AVL9: variants seen among roughly 807,000 people sequenced by gnomAD.
The protein encoded by AVL9 is AVL9 cell migration associated.
AVL9 carries 49 observed loss-of-function variants against 79.2 expected under a neutral mutation model. The ratio of observed to expected loss-of-function variants is 0.62; its 90% CI spans 0.49 to 0.79. The LOEUF (loss-of-function observed/expected upper bound fraction) is 0.79, where lower values mean the gene tolerates loss of function less well. AVL9 is among the 30% of genes least tolerant of loss of function. The probability of loss-of-function intolerance (pLI) is 0.00; values close to 1 mark genes in which losing one functional copy is unlikely to be tolerated. For synonymous variants in AVL9, 299 were observed against 280.6 expected, an observed-to-expected ratio of 1.07 and a Z score of -0.65; for missense variants, 682 against 776.8, an observed-to-expected ratio of 0.88 and a Z score of 1.45.
Position 32,585,676 on chromosome 7 carries a change from A to G in AVL9, c.*1769A>G, listed in dbSNP as rs1791744873. On this transcript the variant is annotated 3_prime_UTR_variant, in exon 16 of 16. Transcript: ENST00000318709. ...ATAGAAACATAATCTAAATGTCTCTAAATTTTCCACTTTGTGTTTTCTAAA... is the reference window on the plus strand; with the variant it reads ...ATAGAAACATAATCTAAATGTCTCTGAATTTTCCACTTTGTGTTTTCTAAA... 1 of 152,206 alleles carries G rather than the reference A, an allele frequency of 6.6e-6. No homozygotes were observed. Among genetic ancestry groups the G allele is most frequent in the Non-Finnish European group, 1.5e-5 (1 of 68,028 alleles). The allele number at this position is 152,206 out of a possible 1,614,324, so 9.4% of individuals were successfully genotyped here. A position where few individuals can be genotyped will look rare whatever the true frequency, so the allele number is the denominator to read the frequency against.
chr7:32,513,686 C>T (rs920550392), intron 1 of AVL9, among the ~76,000 whole-genome samples: 1 of 152,198 alleles, frequency 6.6e-6, no homozygotes, highest in African/African-American at 2.4e-5. Context: ...AAATAAGACA[C>T]GGAGACAAAG....
At chr7:32,572,056 G>C (rs1294010736) in intron 11 of AVL9, among the ~76,000 whole-genome samples, 2 of 151,828 alleles carry the variant, frequency 1.3e-5, no homozygotes, top group Admixed American at 1.3e-4. Flanking sequence ...CAGCTACGCG[G>C]GAGGCTGAGG....
chr7:32,546,953 AAGAC>A (rs1165910964), intron 3 of AVL9, among the ~76,000 whole-genome samples: 1 of 152,252 alleles, frequency 6.6e-6, no homozygotes, highest in African/African-American at 2.4e-5. Flanking sequence ...TGCTGCTCAA[AAGAC>A]AGGAGAGAAG....
chr7:32,568,738 T>C (rs528294906), intron 10 of AVL9, among the ~76,000 whole-genome samples: 1 of 152,304 alleles, frequency 6.6e-6, no homozygotes, highest in Non-Finnish European at 1.5e-5. Context: ...TTAAAGGATT[T>C]TTAAACATTT....
intron 1 of AVL9, among the ~76,000 whole-genome samples, chr7:32,539,433 A>G (rs983735913): frequency 7.8e-5 from 11 of 141,694 alleles, no homozygotes; most frequent in African/African-American, 2.5e-4. Flanking sequence ...GGACATTTCC[A>G]TAAGTCCTGG....
At chr7:32,543,467 C>T (rs1331443447) in intron 2 of AVL9, among the ~76,000 whole-genome samples, 2 of 152,200 alleles carry the variant, frequency 1.3e-5, no homozygotes, top group Non-Finnish European at 2.9e-5. Flanking sequence ...GGCTGGTGAA[C>T]CTTGGCCACG....
At chr7:32,509,402 G>A (rs1787555149) in intron 1 of AVL9, among the ~76,000 whole-genome samples, 1 of 152,106 alleles carries the variant, frequency 6.6e-6, no homozygotes, top group East Asian at 1.9e-4. Flanking sequence ...ACCTGTTCTT[G>A]CATTGACTTG....
intron 1 of AVL9, among the ~76,000 whole-genome samples, chr7:32,528,986 G>A (rs532597900): frequency 1.4e-4 from 21 of 152,234 alleles, no homozygotes; most frequent in African/African-American, 5.1e-4. Context: ...CTCCAGCCTG[G>A]GTGACAGAGC....
At chr7:32,567,235 G>A (rs1790623274) in intron 10 of AVL9, among the ~76,000 whole-genome samples, 1 of 152,062 alleles carries the variant, frequency 6.6e-6, no homozygotes, top group Non-Finnish European at 1.5e-5. Flanking sequence ...CTGAGTAGCT[G>A]GGACCACAGA....
intron 1 of AVL9, among the ~76,000 whole-genome samples, chr7:32,498,260 T>TTC (rs1786950620): frequency 8.3e-6 from 1 of 120,786 alleles, no homozygotes; most frequent in Non-Finnish European, 1.8e-5. Flanking sequence ...TTTTTTTTTT[T>TTC]TGAGACGGAG....
At chr7:32,498,237 ATT>A (rs10547851) in intron 1 of AVL9, among the ~76,000 whole-genome samples, 25,842 of 88,946 alleles carry the variant, frequency 0.29, 1,931 homozygotes, top group Admixed American at 0.39. Context: ...AAGTCCTCAG[ATT>A]TTTTTTTTTT....
At chr7:32,551,479 G>T in intron 5 of AVL9, 56 bp downstream of exon 5, 1 of 965,212 alleles carries the variant, frequency 1.0e-6, no homozygotes, top group East Asian at 2.5e-5. Context: ...CATGAATCAA[G>T]TAAATATTGT....
At chr7:32,545,970 TG>T (rs1392970715) in intron 3 of AVL9, among the ~76,000 whole-genome samples, 2 of 151,524 alleles carry the variant, frequency 1.3e-5, no homozygotes, top group African/African-American at 4.9e-5. Context: ...ACATGGGAGG[TG>T]GGAATGTTTT....
chr7:32,567,706 TTTTA>T (rs939438237), intron 10 of AVL9, among the ~76,000 whole-genome samples: 18 of 151,436 alleles, frequency 1.2e-4, no homozygotes, highest in South Asian at 2.1e-4. Flanking sequence ...TTTATTTTAT[TTTTA>T]TTTATTTATT....
intron 1 of AVL9, among the ~76,000 whole-genome samples, chr7:32,497,416 T>TA (rs938330167): frequency 6.6e-6 from 1 of 152,230 alleles, no homozygotes; most frequent in African/African-American, 2.4e-5. Context: ...CTGTTCTTTA[T>TA]AACCTGTACA....
chr7:32,497,229 C>G (rs1246949573), intron 1 of AVL9, among the ~76,000 whole-genome samples: 1 of 152,228 alleles, frequency 6.6e-6, no homozygotes, highest in Non-Finnish European at 1.5e-5. Flanking sequence ...GTGGCACATG[C>G]CTGTGATCCC....
intron 10 of AVL9, among the ~76,000 whole-genome samples, chr7:32,567,828 C>A (rs1583588714): frequency 6.6e-6 from 1 of 151,978 alleles, no homozygotes; most frequent in Non-Finnish European, 1.5e-5. Flanking sequence ...AGCGATTCTC[C>A]TGCCTCAGCC....
chr7:32,560,492 T>G (rs754561999), intron 10 of AVL9, among the ~76,000 whole-genome samples: 13 of 152,188 alleles, frequency 8.5e-5, no homozygotes, highest in Non-Finnish European at 1.9e-4. Context: ...TTCAAGTTTT[T>G]ATCAGTAGTT....
intron 6 of AVL9, among the ~76,000 whole-genome samples, chr7:32,552,975 T>C (rs1391232999): frequency 6.6e-6 from 1 of 152,130 alleles, no homozygotes; most frequent in Non-Finnish European, 1.5e-5. Context: ...TATCCACTGG[T>C]AGCCAAAATA....
Sources: gnomAD v4.1 joint callset for allele counts (sites outside exome capture counted in the v4.1 genomes callset) on GRCh38, gnomAD v4.1.1 for gene constraint, MANE v1.5 for transcripts, NCBI Gene and HGNC (gene_info 2026-07-23, HGNC 2026-07-21) for gene names.